ROBO2: variants seen among roughly 807,000 people sequenced by gnomAD.
ROBO2 encodes roundabout guidance receptor 2.
ROBO2 carries 53 observed loss-of-function variants against 160.8 expected under a neutral mutation model. The ratio of observed to expected loss-of-function variants is 0.33; its 90% CI spans 0.26 to 0.41. The LOEUF (loss-of-function observed/expected upper bound fraction) is 0.41, where lower values mean the gene tolerates loss of function less well. Among genes scored for constraint, ROBO2 ranks in the 10% least tolerant of loss-of-function variants. The pLI, the probability that ROBO2 is intolerant of heterozygous loss-of-function variation, is 1.00. For synonymous variants in ROBO2, 664 were observed against 611.7 expected (o/e 1.09, Z -1.26); for missense variants, 1,577 against 1,722.4 (o/e 0.92, Z 1.49).
At chr3:76,044,786 C>T (rs1427589207) in intron 2 of ROBO2, among the ~76,000 whole-genome samples, 1 of 151,972 alleles carries the variant, frequency 6.6e-6, no homozygotes, top group Non-Finnish European at 1.5e-5. Context: ...CATATAGTTG[C>T]ATGTTGTGTA....
intron 2 of ROBO2, among the ~76,000 whole-genome samples, chr3:76,691,961 C>T (rs896324581): frequency 7.2e-5 from 11 of 151,950 alleles, no homozygotes; most frequent in African/African-American, 2.7e-4. Flanking sequence ...TACATCTTAG[C>T]CAAGAATAGG....
chr3:77,394,145 T>A (rs2075029228), intron 2 of ROBO2, among the ~76,000 whole-genome samples: 1 of 152,180 alleles, frequency 6.6e-6, no homozygotes, highest in Non-Finnish European at 1.5e-5. Flanking sequence ...GCATCTGTAC[T>A]TTAAGAAGGG....
At chr3:77,154,473 A>C (rs865936456) in intron 2 of ROBO2, among the ~76,000 whole-genome samples, 1 of 152,036 alleles carries the variant, frequency 6.6e-6, no homozygotes, top group Non-Finnish European at 1.5e-5. Context: ...AGGTTTTTCA[A>C]ATAGCTTAAA....
intron 2 of ROBO2, among the ~76,000 whole-genome samples, chr3:76,764,845 C>T (rs1302370791): frequency 1.3e-5 from 2 of 151,644 alleles, no homozygotes; most frequent in African/African-American, 4.8e-5. Context: ...AGACTATTTC[C>T]AACTCTATGC....
chr3:76,871,571 G>A lies in ROBO2; in HGVS notation c.110-226443G>A, dbSNP rs201112187. On this transcript the variant is annotated intron_variant, in intron 2 of 26. Transcript: ENST00000487694. The stretch of plus-strand genomic sequence containing the variant: ...TCCGTCTCAAAAAAAGAAAAAAAAA[G>A]AAAAAGAAAAATACCTCCTTAGCTA... 1.3e-3 allele frequency among the ~76,000 whole-genome samples: 193 copies of A among 146,120 alleles called. 1 individual carries two copies. Among genetic ancestry groups the A allele is most frequent in the Non-Finnish European group, 2.4e-3 (159 of 65,920 alleles).
At chr3:76,032,486 G>A (rs893964712) in intron 2 of ROBO2, among the ~76,000 whole-genome samples, 4 of 152,172 alleles carry the variant, frequency 2.6e-5, no homozygotes, top group Admixed American at 1.3e-4. Context: ...TTTCTCTTGT[G>A]GGCATTTAGT....
chr3:76,606,480 T>C (rs370382101), intron 2 of ROBO2, among the ~76,000 whole-genome samples: 1 of 152,194 alleles, frequency 6.6e-6, no homozygotes, highest in Non-Finnish European at 1.5e-5. Flanking sequence ...CTTCAGCCTT[T>C]TGATAAAAGA....
intron 2 of ROBO2, among the ~76,000 whole-genome samples, chr3:77,302,403 T>C (rs2062742590): frequency 6.6e-6 from 1 of 152,204 alleles, no homozygotes; most frequent in South Asian, 2.1e-4. Flanking sequence ...ACTGAAGCCT[T>C]ATTTGTCTTC....
intron 2 of ROBO2, among the ~76,000 whole-genome samples, chr3:76,000,911 G>C (rs568679052): frequency 6.6e-6 from 1 of 151,798 alleles, no homozygotes; most frequent in African/African-American, 2.4e-5. Context: ...TTTTAGTAGC[G>C]AACTTAATCT....
intron 2 of ROBO2, among the ~76,000 whole-genome samples, chr3:76,032,290 A>G (rs1415588641): frequency 6.6e-6 from 1 of 151,352 alleles, no homozygotes; most frequent in Non-Finnish European, 1.5e-5. Context: ...TACTTTGTTG[A>G]TCTTTCAAAA....
At chr3:76,357,288 A>C (rs1336433315) in intron 2 of ROBO2, among the ~76,000 whole-genome samples, 1 of 151,994 alleles carries the variant, frequency 6.6e-6, no homozygotes, top group African/African-American at 2.4e-5. Context: ...GGAGTAAAAC[A>C]CTGAGCACAC....
At chr3:77,384,828 A>T (rs2073931150) in intron 2 of ROBO2, among the ~76,000 whole-genome samples, 1 of 152,154 alleles carries the variant, frequency 6.6e-6, no homozygotes, top group Non-Finnish European at 1.5e-5. Flanking sequence ...ATGGCTGTAG[A>T]CTTTATTTAC....
intron 2 of ROBO2, among the ~76,000 whole-genome samples, chr3:76,099,789 G>A (rs979716880): frequency 6.6e-6 from 1 of 152,116 alleles, no homozygotes; most frequent in South Asian, 2.1e-4. Context: ...AAGGAAGGGA[G>A]GGAGGAAATG....
Position 76,123,325 on chromosome 3 carries a change from T to C in ROBO2, c.109+185723T>C, listed in dbSNP as rs1210073025. ...TTTACATATCCTATCGAAATGTTTTTATTAGTCATTATTGAAGGAACAATA... is the reference window on the plus strand; with the variant it reads ...TTTACATATCCTATCGAAATGTTTTCATTAGTCATTATTGAAGGAACAATA... On this transcript the variant is annotated intron_variant, in intron 2 of 26. Coordinates refer to the ROBO2 transcript ENST00000487694. Among the ~76,000 whole-genome samples, 5 of 152,292 alleles carry C rather than the reference T, an allele frequency of 3.3e-5. No individual in the cohort carries two copies. In the East Asian group the frequency reaches 9.6e-4, roughly 29 times the overall value.
chr3:76,841,070 T>C (rs2068214067), intron 2 of ROBO2, among the ~76,000 whole-genome samples: 1 of 152,138 alleles, frequency 6.6e-6, no homozygotes, highest in Non-Finnish European at 1.5e-5. Context: ...GCAGAGATAA[T>C]TCTCCAAACA....
intron 16 of ROBO2, among the ~76,000 whole-genome samples, chr3:77,582,312 G>A (rs1167193616): frequency 6.6e-6 from 1 of 152,134 alleles, no homozygotes; most frequent in African/African-American, 2.4e-5. Flanking sequence ...TGTTGGCCAG[G>A]CTGCTCTCGA....
chr3:76,624,208 G>T (rs1439708919), intron 2 of ROBO2, among the ~76,000 whole-genome samples: 3 of 152,144 alleles, frequency 2.0e-5, no homozygotes, highest in Admixed American at 1.3e-4. Context: ...TTGCAACAAA[G>T]AATTTAGGAT....
At chr3:77,550,441 A>C (rs978539800) in intron 7 of ROBO2, among the ~76,000 whole-genome samples, 6 of 152,048 alleles carry the variant, frequency 3.9e-5, no homozygotes, top group Admixed American at 1.3e-4. Flanking sequence ...TGTTATGGCC[A>C]GATCTTCATG....
intron 2 of ROBO2, among the ~76,000 whole-genome samples, chr3:76,283,769 C>T (rs558770617): frequency 2.6e-5 from 4 of 151,988 alleles, no homozygotes; most frequent in Admixed American, 1.3e-4. Flanking sequence ...ACAAGGCCAT[C>T]GAGCCCGTGT....
Sources: allele counts gnomAD v4.1 joint callset (sites outside exome capture counted in the v4.1 genomes callset), GRCh38; gene constraint gnomAD v4.1.1; transcripts MANE v1.5; gene names NCBI Gene and HGNC (gene_info 2026-07-23, HGNC 2026-07-21).